Variants in DNAH17 observed in about 807,000 individuals in gnomAD.
DNAH17 encodes axonemal beta dynein heavy chain 17.
DNAH17 carries 376 observed loss-of-function variants against 485.6 expected under a neutral mutation model. That is an observed-to-expected ratio of 0.77 (90% CI 0.71 to 0.84). The LOEUF (loss-of-function observed/expected upper bound fraction) is 0.84. Among genes scored for constraint, DNAH17 ranks in the 40% least tolerant of loss-of-function variants. DNAH17 has a pLI of 0.00. For synonymous variants in DNAH17, 3,031 were observed against 2,405.9 expected (o/e 1.26, Z -7.60); for missense variants, 6,370 against 5,839.3 (o/e 1.09, Z -2.96).
intron 50 of DNAH17, 46 bp from the exon 51 acceptor site, chr17:78,479,162 C>T: frequency 6.3e-7 from 1 of 1,581,484 alleles, no homozygotes; most frequent in Non-Finnish European, 8.7e-7. Context: ...CTCTTGATGG[C>T]CCCAGGAAGT....
intron 54 of DNAH17, among the ~76,000 whole-genome samples, chr17:78,470,135 G>A (rs987788342): frequency 4.5e-5 from 6 of 134,722 alleles, no homozygotes; most frequent in East Asian, 4.3e-4. Flanking sequence ...GTGCAGTGTC[G>A]CGATCTTGGC....
intron 80 of DNAH17, chr17:78,424,379 C>G: frequency 2.0e-6 from 1 of 501,154 alleles, no homozygotes; most frequent in African/African-American, 1.9e-5. Flanking sequence ...CAGCTAAAGC[C>G]CTCGGGTTCC....
Position 78,468,746 on chromosome 17 carries a change from C to G in DNAH17, c.8649G>C (p.Gly2883=). 6.2e-7 allele frequency: 1 copy of G among 1,614,028 alleles called. No homozygotes were observed. The highest frequency in any genetic ancestry group is 1.1e-5 in the South Asian group (1 of 91,088). Residue 2883 remains glycine (G), a synonymous_variant, in exon 55 of 81, where the codon GGG becomes GGC. Transcript: ENST00000389840. ...TCTCCACCTCGTCCTCCATAAACAG[C>G]CCAGGGATCTCTCCTGAGGCCAGCA... The part of the protein sequence containing the change: ...NDLLASGEIP[G]LFMEDEVENI...
rs2087711361 is a variant in DNAH17 at position 78,454,660 on chromosome 17, T to C, written c.10216A>G (p.Thr3406Ala). Reference protein sequence around the residue: ...TNGLDPLSLLTDDADVATWNN... With the variant: ...TNGLDPLSLLADDADVATWNN... ...CAGGTGGCCACGTCCGCGTCATCTG[T>C]CAGCAGGCTCAAGGGATCCAGGCCA... Residue 3406 changes from threonine to alanine, a missense_variant, in exon 64 of 81, where the codon ACA becomes GCA. Thr to Ala is a moderately conservative substitution (Grantham distance 58). Transcript: ENST00000389840. 1 of 1,613,062 alleles carries C rather than the reference T, an allele frequency of 6.2e-7. No homozygotes were observed.
chr17:78,484,751 G>GCCCCCCCCCCCCCCCCCCCC, intron 48 of DNAH17, 117 bp downstream of exon 48: 1 of 135,818 alleles, frequency 7.4e-6, no homozygotes, highest in Non-Finnish European at 1.2e-5. Flanking sequence ...CCCCCCCACC[G>GCCCCCCCCCCCCCCCCCCCC]CCCCACACCA....
Position 78,543,965 on chromosome 17 carries a change from C to T in DNAH17, c.2424G>A (p.Lys808=). The T allele has an allele frequency of 1.2e-6, 2 of 1,614,024 alleles. No individual in the cohort carries two copies. Among genetic ancestry groups the T allele is most frequent in the Non-Finnish European group, 1.7e-6 (2 of 1,179,890 alleles). The part of the protein sequence containing the change: ...DWSANPLFER[K]DNKKEALLDL... Reference sequence around the variant, plus strand: ...CTAACAGGGCCTCTTTCTTATTGTCCTTTCTTTCAAACAGCGGGTTGGCCG... The same window carrying T: ...CTAACAGGGCCTCTTTCTTATTGTCTTTTCTTTCAAACAGCGGGTTGGCCG... The change falls in exon 17 of 81, where the codon AAG becomes AAA. Residue 808 remains lysine (K), a synonymous_variant. Coordinates refer to ENST00000389840, the MANE Select transcript of DNAH17 (RefSeq NM_173628.4).
chr17:78,512,212 C>A (rs926757785), intron 26 of DNAH17, among the ~76,000 whole-genome samples: 4 of 152,252 alleles, frequency 2.6e-5, no homozygotes, highest in Non-Finnish European at 5.9e-5. Context: ...CTAAGCATTG[C>A]CGCTGTGCAG....
Position 78,537,402 on chromosome 17 carries a change from C to G in DNAH17, c.2756G>C (p.Gly919Ala), listed in dbSNP as rs750117208. ...CAGTGCCAGGAAGCCGCGATCTGAG[C>G]CCACCTCCAGGGTCGGGTTGAAGGT... ...GLTFNPTLEV[G>A]SDRGFLALIE... Residue 919 changes from glycine to alanine, a missense_variant, in exon 19 of 81, where the codon GGC (glycine) becomes GCC (alanine). By Grantham distance (60) the Gly-to-Ala change is moderately conservative. Transcript: ENST00000389840. 10 of 1,613,200 alleles carry G rather than the reference C, an allele frequency of 6.2e-6. No individual in the cohort carries two copies. Among genetic ancestry groups the G allele is most frequent in the African/African-American group, 1.3e-5 (1 of 74,902 alleles).
Position 78,455,788 on chromosome 17 carries a change from C to T in DNAH17, c.10026G>A (p.Val3342=), listed in dbSNP as rs778273181. 2.3e-5 allele frequency: 37 copies of T among 1,613,042 alleles called. No homozygotes were observed. The highest frequency in any genetic ancestry group is 3.0e-5 in the Non-Finnish European group (35 of 1,179,576). Residue 3342 remains valine, a synonymous_variant, in exon 63 of 81, where the codon GTG becomes GTA. Coordinates refer to ENST00000389840, the MANE Select transcript of DNAH17 (RefSeq NM_173628.4). ...ASENIRWAES[V]ENFRSQGVTL... is the part of the protein sequence containing the mutation. ...TGACCCCCTGGCTCCTGAAGTTCTC[C>T]ACAGACTCAGCCCAGCGGATGTTTT... is the stretch of plus-strand genomic sequence containing the variant.
intron 37 of DNAH17, chr17:78,496,710 T>C (rs951898600): frequency 4.2e-5 from 6 of 143,668 alleles, no homozygotes; most frequent in African/African-American, 1.1e-4. Context: ...GTCACTCTGT[T>C]GCCCAGGCTG....
intron 65 of DNAH17, 36 bp downstream of exon 65, chr17:78,453,307 T>C: frequency 6.2e-7 from 1 of 1,607,722 alleles, no homozygotes; most frequent in Non-Finnish European, 8.5e-7. Context: ...TGAAGATGTT[T>C]ACCTGGCTCA....
In DNAH17 at chr17:78,570,973, TCCTC is replaced by T; in HGVS notation, c.889_892del (p.Glu297ArgfsTer51). The T allele has an allele frequency of 6.3e-7, 1 of 1,580,376 alleles. No homozygotes were observed. Among genetic ancestry groups the T allele is most frequent in the Non-Finnish European group, 8.6e-7 (1 of 1,163,038 alleles). On this transcript the variant is annotated frameshift_variant, in exon 6 of 81. Coordinates refer to ENST00000389840, the MANE Select transcript of DNAH17 (RefSeq NM_173628.4). LOFTEE classifies it high-confidence loss of function. ...CATCGTGAAGTCGGCTTGTTCCATC[TCCTC>T]CAGCAGGATCCGTAGGGGCTTCAAA...
intron 44 of DNAH17, among the ~76,000 whole-genome samples, chr17:78,488,699 C>A (rs1240407851): frequency 3.3e-5 from 5 of 152,182 alleles, no homozygotes; most frequent in Non-Finnish European, 7.3e-5. Flanking sequence ...GGAGAAAGGG[C>A]ATTAGCAGAT....
At chr17:78,524,877 C>T in intron 25 of DNAH17, 132 bp downstream of exon 25, 1 of 1,318,688 alleles carries the variant, frequency 7.6e-7, no homozygotes, top group Non-Finnish European at 1.0e-6. Context: ...CTTCGGATGC[C>T]TCCACCCAAC....
chr17:78,462,811 C>T, intron 57 of DNAH17, 33 bp downstream of exon 57: 1 of 1,609,308 alleles, frequency 6.2e-7, no homozygotes, highest in Non-Finnish European at 8.5e-7. Flanking sequence ...CAGGGAACGG[C>T]ACAGGAGCTG....
At chr17:78,430,459 C>A (rs1463746231) in intron 75 of DNAH17, among the ~76,000 whole-genome samples, 2 of 152,318 alleles carry the variant, frequency 1.3e-5, no homozygotes, top group African/African-American at 2.4e-5. Flanking sequence ...AACATCACTT[C>A]CACTGTGCGC....
chr17:78,571,659 G>C lies in DNAH17; in HGVS notation c.663C>G (p.His221Gln), dbSNP rs965418149. The C allele has an allele frequency of 1.2e-6, 2 of 1,613,898 alleles. No individual in the cohort carries two copies. Among genetic ancestry groups the C allele is most frequent in the African/African-American group, 2.7e-5 (2 of 74,926 alleles). The change falls in exon 4 of 81, where the codon CAC becomes CAG. Residue 221 changes from histidine to glutamine, a missense_variant. Transcript: ENST00000389840. ...ACTCGAACTCCACTTGGGGCAGGGG[G>C]TGCAGCCCATCCAGCAGCGCCTGGG... ...DSAQALLDGL[H>Q]PLPQVEFEFW...
intron 57 of DNAH17, among the ~76,000 whole-genome samples, chr17:78,461,997 CCT>C (rs904864787): frequency 6.6e-6 from 1 of 151,804 alleles, no homozygotes; most frequent in Non-Finnish European, 1.5e-5. Flanking sequence ...CGAGTGAGAC[CCT>C]GTCTGTATAA....
Position 78,570,944 on chromosome 17 carries a change from G to A in DNAH17, c.918+4C>T, listed in dbSNP as rs540257464. On this transcript the variant is annotated splice_donor_region_variant and intron_variant, in intron 6 of 80. Coordinates refer to ENST00000389840, the MANE Select transcript of DNAH17 (RefSeq NM_173628.4). ...CCAAAGCCGGCTCTCCCTTGCCTGC[G>A]CACCATCGTGAAGTCGGCTTGTTCC... The A allele has an allele frequency of 1.7e-5, 27 of 1,576,792 alleles. No individual in the cohort carries two copies. Among genetic ancestry groups the A allele is most frequent in the South Asian group, 2.3e-5 (2 of 86,446 alleles).
Sources: allele counts gnomAD v4.1 joint callset (sites outside exome capture counted in the v4.1 genomes callset), GRCh38; gene constraint gnomAD v4.1.1; transcripts MANE v1.5; gene names NCBI Gene and HGNC (gene_info 2026-07-23, HGNC 2026-07-21).